AGBL1: variants seen among roughly 807,000 people sequenced by gnomAD.
AGBL1 encodes cytosolic carboxypeptidase 4.
In AGBL1, 130 loss-of-function variants were observed where a neutral mutation model predicts 118.9. That is an observed-to-expected ratio of 1.09 (90% CI 0.95 to 1.26). The LOEUF (loss-of-function observed/expected upper bound fraction) is 1.26. Ranked by LOEUF, AGBL1 falls within the 50% of genes most tolerant of loss-of-function variation. AGBL1 has a pLI of 0.00. For synonymous variants in AGBL1, 555 were observed against 478.9 expected (o/e 1.16, Z -2.08); for missense variants, 1,584 against 1,298.1 (o/e 1.22, Z -3.38).
intron 21 of AGBL1, among the ~76,000 whole-genome samples, chr15:86,579,505 G>A (rs2084144002): frequency 6.6e-6 from 1 of 152,174 alleles, no homozygotes; most frequent in African/African-American, 2.4e-5. Flanking sequence ...AAGTCTCAAT[G>A]CACTGAGAAA....
intron 23 of AGBL1, among the ~76,000 whole-genome samples, chr15:86,979,279 A>C (rs2081205311): frequency 6.6e-6 from 1 of 152,202 alleles, no homozygotes; most frequent in Admixed American, 6.5e-5. Flanking sequence ...TGCAATATTG[A>C]AAATGCAAAC....
intron 21 of AGBL1, among the ~76,000 whole-genome samples, chr15:86,648,601 T>A (rs2085323284): frequency 1.3e-5 from 2 of 152,222 alleles, no homozygotes; most frequent in Admixed American, 1.3e-4. Flanking sequence ...CTTAGTCAGA[T>A]AATGAGCCAA....
Position 86,495,924 on chromosome 15 carries a change from A to T in AGBL1, c.2556-26886A>T, listed in dbSNP as rs2082848201. On this transcript the variant is annotated intron_variant, in intron 18 of 22. Transcript: ENST00000614907. ...TATTATATCTCCTTGGAACTATTTT[A>T]TCCTGTTCCATGTTTTTGCCCTCAA... Among the ~76,000 whole-genome samples the T allele has an allele frequency of 2.0e-5, 3 of 151,682 alleles. No homozygotes were observed. In the South Asian group the frequency reaches 6.2e-4, roughly 32 times the overall value.
At chr15:86,619,206 T>C (rs377193729) in intron 21 of AGBL1, among the ~76,000 whole-genome samples, 12 of 152,248 alleles carry the variant, frequency 7.9e-5, no homozygotes, top group Middle Eastern at 3.4e-3. Context: ...GTCAAGCATA[T>C]AATAAGTACT....
At chr15:86,769,674 G>A (rs899193160) in intron 22 of AGBL1, among the ~76,000 whole-genome samples, 3 of 152,008 alleles carry the variant, frequency 2.0e-5, no homozygotes, top group African/African-American at 2.4e-5. Flanking sequence ...GACATTGGTA[G>A]CATTTGCTGT....
At chr15:86,597,445 A>T (rs1389386703) in intron 21 of AGBL1, among the ~76,000 whole-genome samples, 3 of 152,138 alleles carry the variant, frequency 2.0e-5, no homozygotes, top group African/African-American at 7.2e-5. Context: ...AAATTGGAAA[A>T]TTCTGCAAAT....
intron 22 of AGBL1, among the ~76,000 whole-genome samples, chr15:86,847,068 C>T (rs561688654): frequency 9.1e-4 from 138 of 152,150 alleles, no homozygotes; most frequent in Middle Eastern, 3.4e-3. Context: ...CCTTTAATAA[C>T]ATTTTATTTT....
intron 17 of AGBL1, chr15:86,296,165 G>A (rs1468634251): frequency 6.3e-5 from 9 of 143,424 alleles, no homozygotes; most frequent in African/African-American, 2.1e-4. Flanking sequence ...GACCTGTTAC[G>A]AACTAGCTTT....
chr15:86,294,402 CAAAAAA>C (rs35878636), intron 16 of AGBL1, among the ~76,000 whole-genome samples: 2 of 63,558 alleles, frequency 3.1e-5, no homozygotes, highest in Non-Finnish European at 2.8e-5. Context: ...GACTTTGTCT[CAAAAAA>C]AAAAAAAAAA....
intron 9 of AGBL1, among the ~76,000 whole-genome samples, chr15:86,260,172 A>G (rs963720240): frequency 1.3e-5 from 2 of 152,242 alleles, no homozygotes; most frequent in Admixed American, 6.5e-5. Flanking sequence ...ACTGCTCCAG[A>G]AAACTGGATT....
chr15:86,813,487 C>T lies in AGBL1; in HGVS notation c.3159-93600C>T, dbSNP rs1419312019. Among the ~76,000 whole-genome samples the T allele has an allele frequency of 8.2e-4, 125 of 152,180 alleles. 1 individual carries two copies. Among genetic ancestry groups the T allele is most frequent in the Admixed American group, 8.0e-3 (122 of 15,274 alleles). On this transcript the variant is annotated intron_variant, in intron 22 of 22. Coordinates refer to ENST00000614907, the MANE Select transcript of AGBL1 (RefSeq NM_001386094.1). ...AGTCATATATGATTTCTGGAGCATT[C>T]TTTTCCTGTCTTCCAAAGCAGAAAA... is the stretch of plus-strand genomic sequence containing the variant.
chr15:86,389,647 A>G (rs1018558964), intron 17 of AGBL1, among the ~76,000 whole-genome samples: 2 of 152,192 alleles, frequency 1.3e-5, no homozygotes, highest in Non-Finnish European at 2.9e-5. Flanking sequence ...TTACACAATA[A>G]ATGTAAATGT....
chr15:86,083,164 T>C (rs950921863), intron 1 of AGBL1, among the ~76,000 whole-genome samples: 1 of 152,076 alleles, frequency 6.6e-6, no homozygotes, highest in Non-Finnish European at 1.5e-5. Flanking sequence ...CCTGCCTGGC[T>C]TTTTTCCTGG....
chr15:86,902,488 AT>A (rs2080224986), intron 22 of AGBL1, among the ~76,000 whole-genome samples: 1 of 152,040 alleles, frequency 6.6e-6, no homozygotes, highest in South Asian at 2.1e-4. Flanking sequence ...ATTTGCTCAT[AT>A]TTTTACTCTT....
intron 21 of AGBL1, among the ~76,000 whole-genome samples, chr15:86,672,331 T>C (rs1183880407): frequency 6.6e-6 from 1 of 152,164 alleles, no homozygotes; most frequent in Non-Finnish European, 1.5e-5. Context: ...TAAAATACTA[T>C]CATTTTAGCT....
At chr15:86,639,210 C>A (rs117782546) in intron 21 of AGBL1, among the ~76,000 whole-genome samples, 2 of 152,134 alleles carry the variant, frequency 1.3e-5, no homozygotes, top group African/African-American at 2.4e-5. Context: ...GAGGCTGTTA[C>A]ACAGAGGCAC....
intron 21 of AGBL1, among the ~76,000 whole-genome samples, chr15:86,654,467 G>T (rs79530795): frequency 0.056 from 8,458 of 152,174 alleles, 294 homozygotes; most frequent in South Asian, 0.088. Context: ...CTACCAGGCT[G>T]GCACCACTCT....
At chr15:86,976,053 G>A (rs1253948501) in intron 23 of AGBL1, among the ~76,000 whole-genome samples, 1 of 151,848 alleles carries the variant, frequency 6.6e-6, no homozygotes, top group Non-Finnish European at 1.5e-5. Flanking sequence ...TATTATGTTG[G>A]TTACACATAT....
chr15:86,457,982 C>G (rs916621159), intron 18 of AGBL1, among the ~76,000 whole-genome samples: 1 of 151,890 alleles, frequency 6.6e-6, no homozygotes, highest in African/African-American at 2.4e-5. Flanking sequence ...GGAAGGCTGA[C>G]GGAATAAAAG....
Sources: gnomAD v4.1 joint callset for allele counts (sites outside exome capture counted in the v4.1 genomes callset) on GRCh38, gnomAD v4.1.1 for gene constraint, MANE v1.5 for transcripts, NCBI Gene and HGNC (gene_info 2026-07-23, HGNC 2026-07-21) for gene names.